Variants in SHROOM4 observed in about 807,000 individuals in gnomAD.
SHROOM4 encodes the protein shroom family member 4.
A neutral mutation model predicts 80.3 loss-of-function variants in SHROOM4; 17 were observed. The ratio of observed to expected loss-of-function variants is 0.21; its 90% CI spans 0.14 to 0.32. SHROOM4 has a LOEUF of 0.32. Among genes scored for constraint, SHROOM4 ranks in the 10% least tolerant of loss-of-function variants. SHROOM4 has a pLI of 1.00. For missense variants in SHROOM4, 993 were observed against 1,140.3 expected (o/e 0.87, Z 1.86); for synonymous variants, 400 against 437.5 (o/e 0.91, Z 1.07).
At chrX:50,765,346 G>A (rs1455800182) in intron 1 of SHROOM4, among the ~76,000 whole-genome samples, 6 of 111,531 alleles carry the variant, frequency 5.4e-5, no homozygotes, top group African/African-American at 1.3e-4. Context: ...GTTAATTTTC[G>A]GTCTCATGCA....
chrX:50,806,226 G>T (rs1042223558), intron 1 of SHROOM4, among the ~76,000 whole-genome samples: 2 of 111,966 alleles, frequency 1.8e-5, no homozygotes, highest in Admixed American at 1.9e-4. Flanking sequence ...GTTGCTACTA[G>T]GCAGTACTTG....
At position 50,694,543 on chromosome X, in the gene SHROOM4, A is replaced by ATTTTTTTTTTTTTTTT. The variant is rs782530547; in HGVS notation, c.269+1227_269+1242dup. On this transcript the variant is annotated intron_variant, in intron 2 of 8. Coordinates refer to ENST00000376020, the MANE Select transcript of SHROOM4 (RefSeq NM_020717.5). ...AGGTCTTTGCCCATTTTTAAGTTGG[A>ATTTTTTTTTTTTTTTT]TTTTTTTTTTTTTTTTTTTTTTTTT... 2.6e-3 allele frequency among the ~76,000 whole-genome samples: 33 copies of ATTTTTTTTTTTTTTTT among 12,494 alleles called. 13 individuals carry two copies. The highest frequency in any genetic ancestry group is 0.016 in the East Asian group (4 of 258). 10.8% of individuals were successfully genotyped at this position (12,494 alleles called of 115,157 possible).
At chrX:50,792,871 G>A (rs1175691728) in intron 1 of SHROOM4, among the ~76,000 whole-genome samples, 1 of 103,767 alleles carries the variant, frequency 9.6e-6, no homozygotes, top group Non-Finnish European at 2.0e-5. Context: ...GTAAAATGGT[G>A]CCACTGCTAT....
intron 1 of SHROOM4, among the ~76,000 whole-genome samples, chrX:50,733,676 TGAAA>T (rs1297955365): frequency 2.7e-5 from 3 of 112,186 alleles, no homozygotes; most frequent in Non-Finnish European, 5.6e-5. Flanking sequence ...ATACATATAA[TGAAA>T]GACTACAAGC....
intron 1 of SHROOM4, among the ~76,000 whole-genome samples, chrX:50,776,526 G>T (rs1388836929): frequency 1.4e-4 from 15 of 110,729 alleles, no homozygotes; most frequent in East Asian, 5.7e-4. Flanking sequence ...GAAAATAAAT[G>T]ACAGAATTTC....
At chrX:50,713,388 T>C (rs1190380553) in intron 1 of SHROOM4, among the ~76,000 whole-genome samples, 1 of 111,327 alleles carries the variant, frequency 9.0e-6, no homozygotes, top group Non-Finnish European at 1.9e-5. Context: ...CACAGCACTT[T>C]GGGAGGCCTA....
rs1933198153 is a variant in SHROOM4 at position 50,690,769 on chromosome X, C to A, written c.269+5017G>T. Among the ~76,000 whole-genome samples, 3 of 112,131 alleles carry A rather than the reference C, an allele frequency of 2.7e-5. No homozygotes were observed. In the Admixed American group the frequency reaches 2.8e-4, roughly 11 times the overall value. ...ATCACTTGAGGTCAGGAGTTCAAGA[C>A]CAGCCTGGCCAACATGGTGAAGCCC... On this transcript the variant is annotated intron_variant, in intron 2 of 8. Transcript: ENST00000376020.
intron 1 of SHROOM4, among the ~76,000 whole-genome samples, chrX:50,731,999 G>T (rs187873565): frequency 9.0e-6 from 1 of 111,494 alleles, no homozygotes; most frequent in Non-Finnish European, 1.9e-5. Flanking sequence ...CCTGTGGTCC[G>T]AAAAAAGTAT....
At chrX:50,640,128 AACT>A (rs1422574059) in intron 2 of SHROOM4, among the ~76,000 whole-genome samples, 3 of 111,873 alleles carry the variant, frequency 2.7e-5, no homozygotes, top group Non-Finnish European at 5.6e-5. Context: ...TCCGGTCAAC[AACT>A]ATTTGTCAAG....
At chrX:50,712,623 G>A (rs1361621658) in intron 1 of SHROOM4, among the ~76,000 whole-genome samples, 3 of 111,490 alleles carry the variant, frequency 2.7e-5, no homozygotes, top group Non-Finnish European at 5.7e-5. Context: ...CAAAATTTAA[G>A]CAAGAGATTA....
At position 50,633,421 on chromosome X, in the gene SHROOM4, C is replaced by T. The variant is rs1557254643; in HGVS notation, c.2652G>A (p.Arg884=). 3.3e-6 allele frequency: 4 copies of T among 1,210,084 alleles called. No homozygotes were observed. In the South Asian group the frequency reaches 5.3e-5, roughly 16 times the overall value. The change falls in exon 4 of 9, where the codon AGG becomes AGA. Residue 884 remains arginine, a synonymous_variant. Transcript: ENST00000376020. ...PLHCGDFDYH[R]TCSYSCSVQG... Reference sequence around the variant, plus strand: ...GAACACTGCAGGAGTAAGAGCAGGTCCTGTGGTAATCAAAATCACCACAGT... The same window carrying T: ...GAACACTGCAGGAGTAAGAGCAGGTTCTGTGGTAATCAAAATCACCACAGT...
chrX:50,727,313 T>A (rs1934263650), intron 1 of SHROOM4, among the ~76,000 whole-genome samples: 1 of 112,187 alleles, frequency 8.9e-6, no homozygotes, highest in East Asian at 2.8e-4. Flanking sequence ...GACTTTGGAA[T>A]TGGGCTTTTG....
At chrX:50,621,298 C>G (rs1930562931) in intron 5 of SHROOM4, among the ~76,000 whole-genome samples, 2 of 111,572 alleles carry the variant, frequency 1.8e-5, no homozygotes, top group African/African-American at 6.5e-5. Flanking sequence ...CACTGTTTGA[C>G]TTTTTTTAAC....
chrX:50,772,302 G>C (rs890803413), intron 1 of SHROOM4, among the ~76,000 whole-genome samples: 1 of 109,871 alleles, frequency 9.1e-6, no homozygotes, highest in African/African-American at 3.4e-5. Flanking sequence ...TATGTACCTT[G>C]GTTTTAAGTA....
chrX:50,794,480 T>C (rs1171366319), intron 1 of SHROOM4, among the ~76,000 whole-genome samples: 4 of 109,905 alleles, frequency 3.6e-5, no homozygotes, highest in Non-Finnish European at 7.6e-5. Flanking sequence ...AGAGAAGAAA[T>C]AGAAGAGAAG....
At chrX:50,664,938 C>A (rs964667020) in intron 2 of SHROOM4, among the ~76,000 whole-genome samples, 1 of 110,036 alleles carries the variant, frequency 9.1e-6, no homozygotes, top group Non-Finnish European at 1.9e-5. Flanking sequence ...GACACACACA[C>A]ACACACACAC....
At chrX:50,694,183 T>A (rs975205791) in intron 2 of SHROOM4, among the ~76,000 whole-genome samples, 1 of 111,356 alleles carries the variant, frequency 9.0e-6, no homozygotes, top group African/African-American at 3.3e-5. Flanking sequence ...GGGGTGCAGA[T>A]ATCTCTTTTA....
chrX:50,615,745 C>T (rs1930208217), intron 5 of SHROOM4, among the ~76,000 whole-genome samples: 1 of 111,213 alleles, frequency 9.0e-6, no homozygotes, highest in Admixed American at 9.5e-5. Flanking sequence ...CAGTCAGCAG[C>T]TGTCCAATTG....
At chrX:50,701,873 C>A (rs1348406706) in intron 1 of SHROOM4, among the ~76,000 whole-genome samples, 1 of 110,269 alleles carries the variant, frequency 9.1e-6, no homozygotes, top group Non-Finnish European at 1.9e-5. Context: ...AGGTAGTAAT[C>A]ATAAAGGAAA....
Sources: allele counts gnomAD v4.1 joint callset (sites outside exome capture counted in the v4.1 genomes callset), GRCh38; gene constraint gnomAD v4.1.1; transcripts MANE v1.5; gene names NCBI Gene and HGNC (gene_info 2026-07-23, HGNC 2026-07-21).